NALF1: variants seen among roughly 807,000 people sequenced by gnomAD.
NALF1 encodes the protein family with sequence similarity 155 member A.
In NALF1, 3 loss-of-function variants were observed where a neutral mutation model predicts 48.4. The observed-to-expected ratio is 0.06, with a 90% CI of 0.03 to 0.16. The LOEUF (loss-of-function observed/expected upper bound fraction) is 0.16. NALF1 is among the 10% of genes least tolerant of loss of function. The probability of loss-of-function intolerance (pLI) is 1.00; values close to 1 mark genes in which losing one functional copy is unlikely to be tolerated. For missense variants in NALF1, 526 were observed against 571.5 expected, an observed-to-expected ratio of 0.92 and a Z score of 0.81; for synonymous variants, 262 against 245.7, an observed-to-expected ratio of 1.07 and a Z score of -0.62.
At chr13:107,670,307 C>A (rs916480474) in intron 1 of NALF1, among the ~76,000 whole-genome samples, 5 of 151,526 alleles carry the variant, frequency 3.3e-5, no homozygotes, top group African/African-American at 1.2e-4. Context: ...CACACAAGTA[C>A]ACACACACAC....
At chr13:107,297,936 A>G (rs1373008663) in intron 1 of NALF1, among the ~76,000 whole-genome samples, 1 of 152,204 alleles carries the variant, frequency 6.6e-6, no homozygotes, top group African/African-American at 2.4e-5. Context: ...AATTCTGTGA[A>G]GAGTTCCTGA....
chr13:107,316,213 C>A (rs1882146948), intron 1 of NALF1, among the ~76,000 whole-genome samples: 1 of 152,162 alleles, frequency 6.6e-6, no homozygotes, highest in African/African-American at 2.4e-5. Flanking sequence ...CATGTCCCTA[C>A]AAAGGACATG....
At chr13:107,296,524 A>G (rs1881730069) in intron 1 of NALF1, among the ~76,000 whole-genome samples, 1 of 152,178 alleles carries the variant, frequency 6.6e-6, no homozygotes, top group Non-Finnish European at 1.5e-5. Flanking sequence ...CCAACTTCAA[A>G]ACTACCATGG....
At chr13:107,296,196 C>A (rs979062558) in intron 1 of NALF1, among the ~76,000 whole-genome samples, 3 of 152,182 alleles carry the variant, frequency 2.0e-5, no homozygotes, top group African/African-American at 7.2e-5. Context: ...TGGATTTTCT[C>A]TGCCAAACAT....
At chr13:107,521,942 T>TACAC (rs371749390) in intron 1 of NALF1, among the ~76,000 whole-genome samples, 1,842 of 146,334 alleles carry the variant, frequency 0.013, 23 homozygotes, top group Middle Eastern at 0.035. Flanking sequence ...CACACACACA[T>TACAC]ACACACACAC....
Position 107,819,609 on chromosome 13 carries a change from T to C in NALF1, c.915+46073A>G, listed in dbSNP as rs570354999. On this transcript the variant is annotated intron_variant, in intron 1 of 2. Transcript: ENST00000375915. ...CCACGGAGCAAGGTCTAGATTTAAATGACTTAAAGAATATATTAATTGTGC... is the reference window on the plus strand; with the variant it reads ...CCACGGAGCAAGGTCTAGATTTAAACGACTTAAAGAATATATTAATTGTGC... 1.5e-3 allele frequency among the ~76,000 whole-genome samples: 233 copies of C among 152,160 alleles called. 1 individual carries two copies. The highest frequency in any genetic ancestry group is 5.5e-3 in the African/African-American group (229 of 41,532).
At chr13:107,661,287 A>G (rs1880728869) in intron 1 of NALF1, among the ~76,000 whole-genome samples, 2 of 152,194 alleles carry the variant, frequency 1.3e-5, no homozygotes, top group South Asian at 4.1e-4. Context: ...CCTTTTCATC[A>G]CTAGAAATGG....
intron 1 of NALF1, among the ~76,000 whole-genome samples, chr13:107,716,192 T>C (rs980557710): frequency 5.3e-5 from 8 of 152,180 alleles, no homozygotes; most frequent in African/African-American, 1.7e-4. Context: ...TTGCACTTTC[T>C]AGCTGGAGTT....
At chr13:107,455,300 C>T (rs538337027) in intron 1 of NALF1, among the ~76,000 whole-genome samples, 4 of 152,168 alleles carry the variant, frequency 2.6e-5, no homozygotes, top group African/African-American at 9.6e-5. Flanking sequence ...AACGGACCAA[C>T]ACAATAATCA....
intron 1 of NALF1, among the ~76,000 whole-genome samples, chr13:107,775,588 G>A (rs1367110866): frequency 1.3e-5 from 2 of 151,502 alleles, no homozygotes; most frequent in South Asian, 4.2e-4. Context: ...GGATGGCTGG[G>A]TCAAATGGTA....
chr13:107,480,610 C>T (rs574716790), intron 1 of NALF1, among the ~76,000 whole-genome samples: 1 of 152,268 alleles, frequency 6.6e-6, no homozygotes, highest in South Asian at 2.1e-4. Context: ...CAAAAAGTCT[C>T]ATAATGTTTT....
At chr13:107,550,260 C>T (rs1877254677) in intron 1 of NALF1, among the ~76,000 whole-genome samples, 1 of 152,124 alleles carries the variant, frequency 6.6e-6, no homozygotes, top group South Asian at 2.1e-4. Flanking sequence ...CCAGAGCTCA[C>T]CTCCCTCCCA....
chr13:107,726,305 T>G (rs377122827), intron 1 of NALF1, among the ~76,000 whole-genome samples: 3 of 152,224 alleles, frequency 2.0e-5, no homozygotes, highest in Non-Finnish European at 4.4e-5. Flanking sequence ...AGAAACAAGA[T>G]GAAGTGGGAC....
intron 1 of NALF1, among the ~76,000 whole-genome samples, chr13:107,286,586 C>CAAAAAAAAA (rs1159508752): frequency 9.8e-6 from 1 of 102,082 alleles, no homozygotes. Flanking sequence ...GACCCTGTCT[C>CAAAAAAAAA]AAAAAAAAAA....
chr13:107,338,226 T>A (rs1882596391), intron 1 of NALF1, among the ~76,000 whole-genome samples: 1 of 152,214 alleles, frequency 6.6e-6, no homozygotes, highest in East Asian at 1.9e-4. Flanking sequence ...TTTACATAGA[T>A]TGTCTGACCT....
intron 1 of NALF1, among the ~76,000 whole-genome samples, chr13:107,812,202 A>G (rs1333198756): frequency 6.6e-6 from 1 of 152,212 alleles, no homozygotes; most frequent in Non-Finnish European, 1.5e-5. Context: ...GTCTACAGGT[A>G]GCATAAATGC....
At chr13:107,764,945 G>A (rs1039978902) in intron 1 of NALF1, among the ~76,000 whole-genome samples, 3 of 152,082 alleles carry the variant, frequency 2.0e-5, no homozygotes, top group African/African-American at 4.8e-5. Flanking sequence ...ATCTTACTAC[G>A]TGGGTTACTT....
chr13:107,356,137 A>G (rs1882959849), intron 1 of NALF1, among the ~76,000 whole-genome samples: 1 of 152,196 alleles, frequency 6.6e-6, no homozygotes, highest in Non-Finnish European at 1.5e-5. Flanking sequence ...CAGTTAGCAG[A>G]GTTTAACACC....
At chr13:107,576,551 T>G (rs1294147984) in intron 1 of NALF1, among the ~76,000 whole-genome samples, 1 of 152,162 alleles carries the variant, frequency 6.6e-6, no homozygotes, top group Non-Finnish European at 1.5e-5. Flanking sequence ...TTACCACTCT[T>G]GTGATAGGCT....
Sources: gnomAD v4.1 joint callset for allele counts (sites outside exome capture counted in the v4.1 genomes callset) on GRCh38, gnomAD v4.1.1 for gene constraint, MANE v1.5 for transcripts, NCBI Gene and HGNC (gene_info 2026-07-23, HGNC 2026-07-21) for gene names.